Variants in FYTTD1 observed in about 807,000 individuals in gnomAD.
The protein encoded by FYTTD1 is forty-two-three domain containing 1, also known as UAP56-interacting factor.
In FYTTD1, 22 loss-of-function variants were observed where a neutral mutation model predicts 40.9. That is an observed-to-expected ratio of 0.54 (90% CI 0.38 to 0.77). The LOEUF (loss-of-function observed/expected upper bound fraction) is 0.77. Ranked by LOEUF, FYTTD1 falls within the 30% of genes least tolerant of loss-of-function variation. FYTTD1 has a pLI of 0.00. For synonymous variants in FYTTD1, 140 were observed against 137.9 expected, an observed-to-expected ratio of 1.01 and a Z score of -0.10; for missense variants, 351 against 392.2, an observed-to-expected ratio of 0.90 and a Z score of 0.89.
rs1730142508 is a variant in FYTTD1 at position 197,785,930 on chromosome 3, C to T, written c.*4021C>T. ...TCTTTTTGGATAGATCAATTTGGAACTAGCTTCTTTTTTTTTTTTTTAAAT... is the reference window on the plus strand; with the variant it reads ...TCTTTTTGGATAGATCAATTTGGAATTAGCTTCTTTTTTTTTTTTTTAAAT... On this transcript the variant is annotated 3_prime_UTR_variant, in exon 9 of 9. Transcript: ENST00000241502. 2 of 149,486 alleles carry T rather than the reference C, an allele frequency of 1.3e-5. No individual in the cohort carries two copies. The highest frequency in any genetic ancestry group is 2.1e-4 in the South Asian group (1 of 4,768). 9.3% of individuals were successfully genotyped at this position (149,486 alleles called of 1,614,324 possible). A position where few individuals can be genotyped will look rare whatever the true frequency, so the allele number is the denominator to read the frequency against.
intron 4 of FYTTD1, 95 bp downstream of exon 4, chr3:197,770,339 T>A: frequency 1.3e-6 from 1 of 750,510 alleles, no homozygotes; most frequent in Admixed American, 2.5e-5. Flanking sequence ...TTTTTTTAGT[T>A]ATCTGGTCAT....
At position 197,770,135 on chromosome 3, in the gene FYTTD1, A is replaced by G. The variant is rs1729674199; in HGVS notation, c.388A>G (p.Ile130Val). Residue 130 changes from isoleucine to valine, a missense_variant, in exon 4 of 9, where the codon ATA (isoleucine) becomes GTA (valine). Physicochemically the swap from Ile to Val is conservative, Grantham distance 29. Transcript: ENST00000241502. ...ATAATTTCTTGCCTTCTGATAGAAT[A>G]TAGAACAATATTTTCCAGTGTTAAA... is the stretch of plus-strand genomic sequence containing the variant. Reference protein sequence around the residue: ...MNRPPLSDKNIEQYFPVLKRK... With the variant: ...MNRPPLSDKNVEQYFPVLKRK... 6.3e-7 allele frequency: 1 copy of G among 1,585,746 alleles called. No homozygotes were observed. Among genetic ancestry groups the G allele is most frequent in the Non-Finnish European group, 8.6e-7 (1 of 1,157,106 alleles).
chr3:197,775,670 A>T (rs906850735), intron 6 of FYTTD1, among the ~76,000 whole-genome samples: 3 of 152,234 alleles, frequency 2.0e-5, no homozygotes, highest in Non-Finnish European at 4.4e-5. Flanking sequence ...CAGGGCCCAG[A>T]TATGGTGCCA....
intron 2 of FYTTD1, among the ~76,000 whole-genome samples, chr3:197,759,207 GTGTTCTTCAGTGGTAGAATGTATAGAAT>G: frequency 6.8e-6 from 1 of 147,370 alleles, no homozygotes; most frequent in East Asian, 2.0e-4. Context: ...AATGTATAGA[GTGTTCTTCAGTGGTAGAATGTATAGAAT>G]TGTTCTTCAG....
chr3:197,749,698 T>A, upstream of FYTTD1: 1 of 644,366 alleles, frequency 1.6e-6, no homozygotes, highest in South Asian at 1.5e-5. Context: ...GTCGAACTGC[T>A]CACAACGGCG....
intron 1 of FYTTD1, 127 bp downstream of exon 1, chr3:197,750,201 C>T (rs1728962668): frequency 6.8e-6 from 6 of 880,494 alleles, no homozygotes; most frequent in Non-Finnish European, 9.7e-6. Flanking sequence ...GGTGGGCGGA[C>T]CCGAGCGGAG....
intron 2 of FYTTD1, among the ~76,000 whole-genome samples, chr3:197,765,860 G>A (rs1019242041): frequency 2.0e-5 from 3 of 152,054 alleles, no homozygotes; most frequent in Non-Finnish European, 4.4e-5. Flanking sequence ...GCCGGGCATC[G>A]TATTGGGCAC....
chr3:197,781,962 G>T lies in FYTTD1; in HGVS notation c.*53G>T. 1 of 1,058,820 alleles carries T rather than the reference G, an allele frequency of 9.4e-7. No homozygotes were observed. Among genetic ancestry groups the T allele is most frequent in the South Asian group, 1.8e-5 (1 of 54,654 alleles). The allele number at this position is 1,058,820 out of a possible 1,614,324, so 65.6% of individuals were successfully genotyped here. A position where few individuals can be genotyped will look rare whatever the true frequency, so the allele number is the denominator to read the frequency against. On this transcript the variant is annotated 3_prime_UTR_variant, in exon 9 of 9. Coordinates refer to ENST00000241502, the MANE Select transcript of FYTTD1 (RefSeq NM_032288.7). ...ATGACTCTGAGAAGTTGAATTGCTTGAAGAGTTCATCACGGAAATTCAAGA... is the reference window on the plus strand; with the variant it reads ...ATGACTCTGAGAAGTTGAATTGCTTTAAGAGTTCATCACGGAAATTCAAGA...
rs538284420 is a variant in FYTTD1, at chr3:197,752,173, T to C, written c.103+2099T>C. Among the ~76,000 whole-genome samples the C allele has an allele frequency of 3.6e-4, 55 of 152,338 alleles. No homozygotes were observed. In the South Asian group the frequency reaches 0.011, roughly 31 times the overall value. Reference sequence around the variant, plus strand: ...GCCGCCGCACCCGGCCAGCATTTTATATATTAACTCAGTTTATCCTCATGA... The same window carrying C: ...GCCGCCGCACCCGGCCAGCATTTTACATATTAACTCAGTTTATCCTCATGA... On this transcript the variant is annotated intron_variant, in intron 1 of 8. Transcript: ENST00000241502.
At chr3:197,776,795 G>A (rs1236053980) in intron 6 of FYTTD1, 132 bp from the exon 7 acceptor site, 2 of 585,330 alleles carry the variant, frequency 3.4e-6, no homozygotes, top group Non-Finnish European at 3.0e-6. Context: ...ATATCATGGT[G>A]GGGTTCAGGT....
chr3:197,782,810 T>C lies in FYTTD1; in HGVS notation c.*901T>C, dbSNP rs760904575. ...ATTTAGAAGAATTATAACTATTACATTGAATGGAGTCCCTTGGATATTTTG... is the reference window on the plus strand; with the variant it reads ...ATTTAGAAGAATTATAACTATTACACTGAATGGAGTCCCTTGGATATTTTG... On this transcript the variant is annotated 3_prime_UTR_variant, in exon 9 of 9. Transcript: ENST00000241502. 2 of 152,384 alleles carry C rather than the reference T, an allele frequency of 1.3e-5. No homozygotes were observed. Among genetic ancestry groups the C allele is most frequent in the African/African-American group, 4.8e-5 (2 of 41,454 alleles). The allele number at this position is 152,384 out of a possible 1,614,324, so 9.4% of individuals were successfully genotyped here.
intron 6 of FYTTD1, among the ~76,000 whole-genome samples, chr3:197,775,835 A>C (rs547185222): frequency 3.7e-4 from 57 of 152,228 alleles, no homozygotes; most frequent in Non-Finnish European, 7.3e-4. Context: ...ATATTTACAT[A>C]ATTGTGATCA....
chr3:197,762,370 C>G (rs1289767767), intron 2 of FYTTD1, among the ~76,000 whole-genome samples: 1 of 147,840 alleles, frequency 6.8e-6, no homozygotes, highest in Non-Finnish European at 1.5e-5. Context: ...ACAGGCAGAT[C>G]ACAAGGTCAG....
In FYTTD1 at chr3:197,749,898, G is replaced by C. The variant is rs933850495; in HGVS notation, c.-74G>C. 5 of 938,060 alleles carry C rather than the reference G, an allele frequency of 5.3e-6. No individual in the cohort carries two copies. Among genetic ancestry groups the C allele is most frequent in the Non-Finnish European group, 7.6e-6 (5 of 662,166 alleles). The allele number at this position is 938,060 out of a possible 1,614,324, so 58.1% of individuals were successfully genotyped here. A position where few individuals can be genotyped will look rare whatever the true frequency, so the allele number is the denominator to read the frequency against. ...GCGCTCCCTCGGTGCGGCGGGCTGC[G>C]TGCGCGAGTGGGAGGTGGCAGGCCT... On this transcript the variant is annotated 5_prime_UTR_variant, in exon 1 of 9. Coordinates refer to ENST00000241502, the MANE Select transcript of FYTTD1 (RefSeq NM_032288.7).
At chr3:197,756,279 A>C in intron 1 of FYTTD1, 147 bp from the exon 2 acceptor site, 1 of 652,924 alleles carries the variant, frequency 1.5e-6, no homozygotes, top group South Asian at 1.9e-5. Context: ...CTATTGTAAA[A>C]TGGCTGATTC....
intron 6 of FYTTD1, 111 bp downstream of exon 6, chr3:197,774,321 A>G: frequency 1.1e-6 from 1 of 907,414 alleles, no homozygotes; most frequent in Non-Finnish European, 1.7e-6. Context: ...CCAAAATAAA[A>G]TTCAGTCTGA....
Position 197,787,536 on chromosome 3 carries a change from T to C in FYTTD1, c.*5627T>C, listed in dbSNP as rs890360575. The C allele has an allele frequency of 6.6e-6, 1 of 152,262 alleles. No homozygotes were observed. Among genetic ancestry groups the C allele is most frequent in the Non-Finnish European group, 1.5e-5 (1 of 68,066 alleles). 9.4% of individuals were successfully genotyped at this position (152,262 alleles called of 1,614,324 possible). Reference sequence around the variant, plus strand: ...AACTATTAAGATTTGAGTGAAACTTTTGCCCCCTGTGTTGAATGAGTTAAC... The same window carrying C: ...AACTATTAAGATTTGAGTGAAACTTCTGCCCCCTGTGTTGAATGAGTTAAC... On this transcript the variant is annotated 3_prime_UTR_variant, in exon 9 of 9. Coordinates refer to ENST00000241502, the MANE Select transcript of FYTTD1 (RefSeq NM_032288.7).
At chr3:197,755,207 T>C (rs1729177685) in intron 1 of FYTTD1, among the ~76,000 whole-genome samples, 1 of 152,242 alleles carries the variant, frequency 6.6e-6, no homozygotes, top group African/African-American at 2.4e-5. Context: ...ACTATACCTT[T>C]ATTATGGCAC....
At chr3:197,779,529 C>CTTTTTTTTTTTT in intron 8 of FYTTD1, among the ~76,000 whole-genome samples, 1 of 118,408 alleles carries the variant, frequency 8.4e-6, no homozygotes, top group Non-Finnish European at 1.7e-5. Flanking sequence ...TTCCTTAGGA[C>CTTTTTTTTTTTT]TTTTTTTTTT....
Sources: allele counts gnomAD v4.1 joint callset (sites outside exome capture counted in the v4.1 genomes callset), GRCh38; gene constraint gnomAD v4.1.1; transcripts MANE v1.5; gene names NCBI Gene and HGNC (gene_info 2026-07-23, HGNC 2026-07-21).